MED12L: variants seen among roughly 807,000 people sequenced by gnomAD.
MED12L encodes mediator complex subunit 12L.
Under a neutral mutation model 281.3 loss-of-function variants are expected in MED12L, and 60 were observed. The observed-to-expected ratio is 0.21, with a 90% confidence interval of 0.17 to 0.26. MED12L has a LOEUF of 0.26. MED12L is among the 10% of genes least tolerant of loss of function. MED12L has a pLI of 1.00. For synonymous variants in MED12L, 974 were observed against 987.2 expected (o/e 0.99, Z 0.25); for missense variants, 2,146 against 2,680.9 (o/e 0.80, Z 4.41).
chr3:151,334,196 C>CTTTTTTTTTTTTTTTTT (rs71138494), intron 16 of MED12L, among the ~76,000 whole-genome samples: 2 of 118,208 alleles, frequency 1.7e-5, no homozygotes, highest in Middle Eastern at 5.1e-3. Context: ...TTCTTTCTTT[C>CTTTTTTTTTTTTTTTTT]TTTTTTTTTT....
At chr3:151,353,441 C>G (rs977605602) in intron 17 of MED12L, among the ~76,000 whole-genome samples, 2 of 152,146 alleles carry the variant, frequency 1.3e-5, no homozygotes, top group African/African-American at 4.8e-5. Context: ...TTTGTTAGTT[C>G]CTAATCTTTG....
At chr3:151,218,028 G>T (rs895851598) in intron 16 of MED12L, among the ~76,000 whole-genome samples, 3 of 152,138 alleles carry the variant, frequency 2.0e-5, no homozygotes. Context: ...TTTGGACCTC[G>T]TGATATCTAC....
intron 5 of MED12L, among the ~76,000 whole-genome samples, chr3:151,134,188 G>GTTT (rs3069372): frequency 7.7e-6 from 1 of 129,288 alleles, no homozygotes. Flanking sequence ...TTGTGGGGTT[G>GTTT]TTTTTTTTTT....
chr3:151,176,201 A>G (rs993014025), intron 11 of MED12L, among the ~76,000 whole-genome samples: 32 of 152,202 alleles, frequency 2.1e-4, no homozygotes, highest in African/African-American at 7.7e-4. Flanking sequence ...GACATTTGAC[A>G]GTTATTTAAC....
chr3:151,274,631 G>T (rs1047672695), intron 16 of MED12L, among the ~76,000 whole-genome samples: 1 of 152,178 alleles, frequency 6.6e-6, no homozygotes, highest in African/African-American at 2.4e-5. Context: ...TAAGGTTAGG[G>T]ATTTGGATCT....
At chr3:151,178,707 C>T (rs1046998355) in intron 11 of MED12L, among the ~76,000 whole-genome samples, 1 of 152,060 alleles carries the variant, frequency 6.6e-6, no homozygotes, top group Non-Finnish European at 1.5e-5. Context: ...ATAATATAAC[C>T]AGCTTATAGG....
intron 16 of MED12L, among the ~76,000 whole-genome samples, chr3:151,196,581 C>A (rs779321521): frequency 2.6e-5 from 4 of 152,068 alleles, no homozygotes; most frequent in Non-Finnish European, 5.9e-5. Flanking sequence ...CTTGATCTGC[C>A]CATTAGTGAA....
At chr3:151,139,378 G>T (rs993305290) in intron 5 of MED12L, among the ~76,000 whole-genome samples, 4 of 152,210 alleles carry the variant, frequency 2.6e-5, no homozygotes, top group East Asian at 3.8e-4. Context: ...TACTTGGGGT[G>T]TCACTGCTTC....
At chr3:151,322,876 A>G (rs1378377725) in intron 16 of MED12L, among the ~76,000 whole-genome samples, 2 of 152,072 alleles carry the variant, frequency 1.3e-5, no homozygotes, top group Admixed American at 6.6e-5. Flanking sequence ...CCCTGTCTCA[A>G]AAAAGATTAT....
chr3:151,306,707 G>A (rs558797303), intron 16 of MED12L, among the ~76,000 whole-genome samples: 11 of 152,280 alleles, frequency 7.2e-5, no homozygotes, highest in South Asian at 2.1e-4. Context: ...AGAGCAGGCC[G>A]GTGTGCCCTG....
chr3:151,107,396 T>A (rs1280744216), intron 2 of MED12L, among the ~76,000 whole-genome samples: 3 of 152,174 alleles, frequency 2.0e-5, no homozygotes, highest in African/African-American at 7.2e-5. Context: ...TAAGCCACTG[T>A]TATGTGCTTT....
At chr3:151,216,246 G>C (rs1728197643) in intron 16 of MED12L, among the ~76,000 whole-genome samples, 1 of 152,178 alleles carries the variant, frequency 6.6e-6, no homozygotes, top group Admixed American at 6.6e-5. Flanking sequence ...ATGAATCCTT[G>C]CTCTTAAGAT....
chr3:151,126,858 G>A (rs1460837107), intron 4 of MED12L, among the ~76,000 whole-genome samples: 2 of 152,164 alleles, frequency 1.3e-5, no homozygotes, highest in Non-Finnish European at 2.9e-5. Flanking sequence ...CAGGGTTGAT[G>A]TTAATAACAC....
At chr3:151,326,211 CTTTCA>C (rs1296242885) in intron 16 of MED12L, 1 of 152,542 alleles carries the variant, frequency 6.6e-6, no homozygotes, top group Non-Finnish European at 1.5e-5. Flanking sequence ...AGAGCTTGAG[CTTTCA>C]TTTCAAGAAA....
At chr3:151,214,383 C>T (rs1281757987) in intron 16 of MED12L, 2 of 1,322,168 alleles carry the variant, frequency 1.5e-6, no homozygotes, top group Non-Finnish European at 2.1e-6. Context: ...GCACTTATGG[C>T]CTCCAAGACA....
intron 2 of MED12L, among the ~76,000 whole-genome samples, chr3:151,097,520 A>G (rs1720873454): frequency 6.6e-6 from 1 of 152,180 alleles, no homozygotes; most frequent in Non-Finnish European, 1.5e-5. Context: ...CGAGGACTCA[A>G]AACTTTCTTT....
intron 11 of MED12L, among the ~76,000 whole-genome samples, chr3:151,181,576 CTTTTTTTTTTTTTTT>C (rs57658133): frequency 4.2e-5 from 2 of 47,078 alleles, no homozygotes; most frequent in Non-Finnish European, 8.3e-5. Flanking sequence ...AGCTCATTGT[CTTTTTTTTTTTTTTT>C]TTTTTTTTTT....
intron 16 of MED12L, among the ~76,000 whole-genome samples, chr3:151,306,205 G>A (rs1412794548): frequency 1.3e-5 from 2 of 152,016 alleles, no homozygotes; most frequent in Non-Finnish European, 1.5e-5. Flanking sequence ...CCCTGCAAAC[G>A]CCTGATTTTT....
chr3:151,356,171 A>G (rs965400618), intron 19 of MED12L, 132 bp downstream of exon 19: 35 of 878,450 alleles, frequency 4.0e-5, no homozygotes, highest in South Asian at 1.2e-4. Context: ...AGGCCGAGGT[A>G]GGAGGATTGC....
Sources: gnomAD v4.1 joint callset for allele counts (sites outside exome capture counted in the v4.1 genomes callset) on GRCh38, gnomAD v4.1.1 for gene constraint, MANE v1.5 for transcripts, NCBI Gene and HGNC (gene_info 2026-07-23, HGNC 2026-07-21) for gene names.